Variants in API5 observed in about 807,000 individuals in gnomAD.
API5 encodes the protein FIF.
In API5, 6 loss-of-function variants were observed where a neutral mutation model predicts 71.9. The ratio of observed to expected loss-of-function variants is 0.08; its 90% CI spans 0.05 to 0.16. API5 has a LOEUF of 0.16. API5 is among the 10% of genes least tolerant of loss of function. The pLI, the probability that API5 is intolerant of heterozygous loss-of-function variation, is 1.00. For synonymous variants in API5, 189 were observed against 221.3 expected, an observed-to-expected ratio of 0.85 and a Z score of 1.30; for missense variants, 332 against 612.8, an observed-to-expected ratio of 0.54 and a Z score of 4.84.
chr11:43,336,860 T>G (rs569662534), intron 13 of API5, among the ~76,000 whole-genome samples: 14 of 151,668 alleles, frequency 9.2e-5, no homozygotes, highest in African/African-American at 3.4e-4. Flanking sequence ...TACCAAAAAT[T>G]TGCCAGGTGT....
At chr11:43,314,646 A>G (rs1441174544) in intron 1 of API5, among the ~76,000 whole-genome samples, 1 of 152,210 alleles carries the variant, frequency 6.6e-6, no homozygotes, top group Non-Finnish European at 1.5e-5. Context: ...ATGGGTGATC[A>G]ATGCGTTCTG....
In API5 at chr11:43,344,311, T is replaced by C. The variant is rs1242106775; in HGVS notation, c.*1801T>C. 1 of 152,636 alleles carries C rather than the reference T, an allele frequency of 6.6e-6. No homozygotes were observed. The highest frequency in any genetic ancestry group is 1.9e-4 in the East Asian group (1 of 5,204). 9.5% of individuals were successfully genotyped at this position (152,636 alleles called of 1,614,324 possible). A position where few individuals can be genotyped will look rare whatever the true frequency, so the allele number is the denominator to read the frequency against. On this transcript the variant is annotated 3_prime_UTR_variant, in exon 14 of 14. Transcript: ENST00000531273. ...AGAACTGAGCAGAAGTGACTTTACTTTCTCAAGTTTGATACTGAGTTGACT... is the reference window on the plus strand; with the variant it reads ...AGAACTGAGCAGAAGTGACTTTACTCTCTCAAGTTTGATACTGAGTTGACT...
At position 43,337,007 on chromosome 11, in the gene API5, CAAAAAAAAAAAA is replaced by C. The variant is rs559170436; in HGVS notation, c.1492+1026_1492+1037del. On this transcript the variant is annotated intron_variant, in intron 13 of 13. Transcript: ENST00000531273. ...TAGGCGACAGAGCAAGACTCCGTCT[CAAAAAAAAAAAA>C]AAAAAAAAAAAAGACAAAGTTTAGG... is the stretch of plus-strand genomic sequence containing the variant. Among the ~76,000 whole-genome samples the C allele has an allele frequency of 1.2e-4, 8 of 66,856 alleles. No individual in the cohort carries two copies. The South Asian group carries it at 1.6e-3, about 13-fold the overall frequency. 43.9% of individuals were successfully genotyped at this position (66,856 alleles called of 152,430 possible). A position where few individuals can be genotyped will look rare whatever the true frequency, so the allele number is the denominator to read the frequency against.
intron 13 of API5, chr11:43,336,198 C>A (rs1007837572): frequency 5.7e-5 from 31 of 545,162 alleles, no homozygotes; most frequent in Non-Finnish European, 8.3e-5. Flanking sequence ...ATTGAACATG[C>A]AACATTAAAC....
chr11:43,323,316 C>T, intron 5 of API5, 114 bp from the exon 6 acceptor site: 1 of 969,394 alleles, frequency 1.0e-6, no homozygotes, highest in East Asian at 2.6e-5. Flanking sequence ...ATTTTGGAAG[C>T]ATTAATAACA....
Position 43,318,633 on chromosome 11 carries a change from A to T in API5, c.70-7A>T. 6.2e-7 allele frequency: 1 copy of T among 1,610,760 alleles called. No homozygotes were observed. Among genetic ancestry groups the T allele is most frequent in the Non-Finnish European group, 8.5e-7 (1 of 1,178,714 alleles). On this transcript the variant is annotated splice_polypyrimidine_tract_variant and splice_region_variant and intron_variant, in intron 1 of 13. Transcript: ENST00000531273. ...ATGTGTCTTTCCTGCTTTATTTTTT[A>T]TTTCAGCATAAAGATGCCTATCAAG... is the stretch of plus-strand genomic sequence containing the variant.
At chr11:43,338,775 T>C (rs905260261) in intron 13 of API5, among the ~76,000 whole-genome samples, 3 of 152,082 alleles carry the variant, frequency 2.0e-5, no homozygotes, top group Non-Finnish European at 2.9e-5. Flanking sequence ...TGAATTCATA[T>C]TAAAATTGAA....
At chr11:43,312,835 T>A (rs1469226424) in intron 1 of API5, among the ~76,000 whole-genome samples, 1 of 152,074 alleles carries the variant, frequency 6.6e-6, no homozygotes, top group East Asian at 1.9e-4. Flanking sequence ...GAGGCCCGGC[T>A]TGGTGGCTCA....
Position 43,323,623 on chromosome 11 carries a change from T to C in API5, c.737T>C (p.Val246Ala), listed in dbSNP as rs759218862. The change falls in exon 6 of 14, where the codon GTA (valine) becomes GCA (alanine). Residue 246 changes from valine (V) to alanine (A), a missense_variant. Physicochemically the swap from Val to Ala is moderately conservative, Grantham distance 64. Around this residue, in one of 3 missense-constraint regions of API5, gnomAD observed 168 missense variants for 343.9 expected, o/e 0.49. Transcript: ENST00000531273. The part of the protein sequence containing the change: ...DRLLQCTRQA[V>A]PLFSKNVHST... ...CTCTTACAGTGCACTCGGCAGGCAG[T>C]ACCCCTCTTCTCTGTGAGCTCTTTA... 6.2e-7 allele frequency: 1 copy of C among 1,613,794 alleles called. No individual in the cohort carries two copies. Among genetic ancestry groups the C allele is most frequent in the Non-Finnish European group, 8.5e-7 (1 of 1,179,858 alleles).
At chr11:43,334,797 G>T (rs1428288071) in intron 11 of API5, among the ~76,000 whole-genome samples, 4 of 152,126 alleles carry the variant, frequency 2.6e-5, no homozygotes, top group Non-Finnish European at 4.4e-5. Flanking sequence ...TGATTAGCCA[G>T]AGTTTTAGTG....
chr11:43,312,012 C>G lies in API5; in HGVS notation c.-116C>G, dbSNP rs368093818. 5.7e-5 allele frequency: 68 copies of G among 1,185,518 alleles called. No homozygotes were observed. The highest frequency in any genetic ancestry group is 4.7e-4 in the South Asian group (33 of 70,906). 73.4% of individuals were successfully genotyped at this position (1,185,518 alleles called of 1,614,324 possible). On this transcript the variant is annotated 5_prime_UTR_variant, in exon 1 of 14. Transcript: ENST00000531273. ...CTGTGCGCGGTGACTGGCGGCTGCA[C>G]TGGCGGCAGCTGGAGGTGTAATAGT... is the stretch of plus-strand genomic sequence containing the variant.
At chr11:43,314,645 C>G (rs1475709191) in intron 1 of API5, among the ~76,000 whole-genome samples, 2 of 152,172 alleles carry the variant, frequency 1.3e-5, no homozygotes, top group Admixed American at 1.3e-4. Flanking sequence ...TATGGGTGAT[C>G]AATGCGTTCT....
intron 11 of API5, among the ~76,000 whole-genome samples, chr11:43,334,821 G>A (rs951284101): frequency 3.3e-5 from 5 of 151,798 alleles, no homozygotes; most frequent in African/African-American, 1.2e-4. Context: ...TTTTTTGTTT[G>A]TTTGTTTTTA....
chr11:43,321,128 G>T (rs547975448), intron 3 of API5, among the ~76,000 whole-genome samples: 2 of 152,192 alleles, frequency 1.3e-5, no homozygotes, highest in African/African-American at 4.8e-5. Flanking sequence ...TTATGAAGGT[G>T]TAATGACTAG....
intron 5 of API5, 25 bp from the exon 6 acceptor site, chr11:43,323,397 ACATACTCT>A (rs1854960473): frequency 6.4e-7 from 1 of 1,550,506 alleles, no homozygotes; most frequent in East Asian, 2.2e-5. Flanking sequence ...CAAATGATGA[ACATACTCT>A]TATTCTGAAT....
chr11:43,327,953 T>G (rs1472565013), intron 8 of API5, 75 bp downstream of exon 8: 5 of 882,598 alleles, frequency 5.7e-6, no homozygotes, highest in Non-Finnish European at 6.5e-6. Flanking sequence ...ATTTCTAGAT[T>G]ACAAGAACCA....
At chr11:43,335,717 CATCAAATGTTA>C in intron 12 of API5, 130 bp from the exon 13 acceptor site, 19 of 952,966 alleles carry the variant, frequency 2.0e-5, no homozygotes, top group Non-Finnish European at 2.7e-5. Context: ...AATTTGATGA[CATCAAATGTTA>C]ATTCCTTTTT....
intron 11 of API5, among the ~76,000 whole-genome samples, chr11:43,331,526 G>T (rs1374874538): frequency 6.6e-6 from 1 of 152,162 alleles, no homozygotes; most frequent in Non-Finnish European, 1.5e-5. Flanking sequence ...AGTGGAAGTG[G>T]ATTATCACAA....
intron 11 of API5, chr11:43,331,147 G>A (rs1855239930): frequency 6.5e-6 from 1 of 152,778 alleles, no homozygotes; most frequent in African/African-American, 2.4e-5. Flanking sequence ...GGACTAGTAT[G>A]CCTTAAAGCT....
Sources: allele counts gnomAD v4.1 joint callset (sites outside exome capture counted in the v4.1 genomes callset), GRCh38; gene constraint gnomAD v4.1.1; regional missense constraint gnomAD v4.1.1; transcripts MANE v1.5; gene names NCBI Gene and HGNC (gene_info 2026-07-23, HGNC 2026-07-21).